The following KLHL32 variants were observed in gnomAD, a reference collection of about 807,000 sequenced individuals.
The protein encoded by KLHL32 is kelch-like protein 32.
In KLHL32, 35 loss-of-function variants were observed where a neutral mutation model predicts 64.8. That is an observed-to-expected ratio of 0.54 (90% confidence interval 0.41 to 0.72). The LOEUF (loss-of-function observed/expected upper bound fraction) is 0.72. KLHL32 is among the 30% of genes least tolerant of loss of function. The pLI, the probability that KLHL32 is intolerant of heterozygous loss-of-function variation, is 0.00. For missense variants in KLHL32, 589 were observed against 768.5 expected (o/e 0.77, Z 2.76); for synonymous variants, 259 against 281.0 (o/e 0.92, Z 0.78).
chr6:97,106,120 C>A (rs1342449808), intron 6 of KLHL32, among the ~76,000 whole-genome samples: 1 of 152,120 alleles, frequency 6.6e-6, no homozygotes, highest in African/African-American at 2.4e-5. Flanking sequence ...ATCAAAACAG[C>A]AGCTTCTGTC....
intron 1 of KLHL32, among the ~76,000 whole-genome samples, chr6:96,960,416 C>T (rs1773758795): frequency 2.0e-5 from 3 of 152,182 alleles, no homozygotes; most frequent in Admixed American, 2.0e-4. Flanking sequence ...AGGCCAAGTT[C>T]TAACCACTCC....
At chr6:97,044,216 G>T (rs1397542028) in intron 4 of KLHL32, among the ~76,000 whole-genome samples, 1 of 151,978 alleles carries the variant, frequency 6.6e-6, no homozygotes, top group African/African-American at 2.4e-5. Context: ...GCTGAATTTT[G>T]TCAAATGCTT....
chr6:97,083,902 C>T (rs1405565182), intron 5 of KLHL32, among the ~76,000 whole-genome samples: 1 of 152,170 alleles, frequency 6.6e-6, no homozygotes, highest in Non-Finnish European at 1.5e-5. Context: ...ATTTTGCTTA[C>T]ACATGGTTTA....
At chr6:97,035,788 A>G (rs1784207321) in intron 3 of KLHL32, among the ~76,000 whole-genome samples, 12 of 152,110 alleles carry the variant, frequency 7.9e-5, no homozygotes, top group Admixed American at 7.9e-4. Context: ...TTGAAATTTA[A>G]TTATAATGTA....
chr6:97,045,885 C>T (rs1785845609), intron 4 of KLHL32, among the ~76,000 whole-genome samples: 1 of 152,112 alleles, frequency 6.6e-6, no homozygotes, highest in Admixed American at 6.5e-5. Flanking sequence ...TATCCCATTG[C>T]CCAGGAGTCA....
chr6:97,077,948 A>G lies in KLHL32; in HGVS notation c.412-7178A>G, dbSNP rs564862810. Among the ~76,000 whole-genome samples, 6 of 152,322 alleles carry G rather than the reference A, an allele frequency of 3.9e-5. No homozygotes were observed. The East Asian group carries it at 1.2e-3, about 29-fold the overall frequency. On this transcript the variant is annotated intron_variant, in intron 5 of 10. Transcript: ENST00000369261. Reference sequence around the variant, plus strand: ...AATAGTTTGAAGATAAGCTACATGCATGAATAGCTTAGTGACAAGCTTATG... The same window carrying G: ...AATAGTTTGAAGATAAGCTACATGCGTGAATAGCTTAGTGACAAGCTTATG...
Position 96,967,089 on chromosome 6 carries a change from C to T in KLHL32, c.23+6C>T, listed in dbSNP as rs1774535186. On this transcript the variant is annotated splice_donor_region_variant and intron_variant, in intron 2 of 10. Transcript: ENST00000369261. ...CCGTCTGAACGCTGCCTCAGGTATGCCCTGTAGGATATGTCCTCACATGCC... is the reference window on the plus strand; with the variant it reads ...CCGTCTGAACGCTGCCTCAGGTATGTCCTGTAGGATATGTCCTCACATGCC... 3 of 1,613,108 alleles carry T rather than the reference C, an allele frequency of 1.9e-6. No individual in the cohort carries two copies. The East Asian group carries it at 6.7e-5, about 36-fold the overall frequency.
intron 4 of KLHL32, among the ~76,000 whole-genome samples, chr6:97,063,636 C>A (rs1390684606): frequency 6.6e-6 from 1 of 152,186 alleles, no homozygotes; most frequent in Non-Finnish European, 1.5e-5. Context: ...TAGTGCCTCC[C>A]TGTGCATCAG....
intron 6 of KLHL32, among the ~76,000 whole-genome samples, chr6:97,088,415 T>C (rs914483124): frequency 5.3e-5 from 8 of 152,248 alleles, no homozygotes; most frequent in African/African-American, 1.9e-4. Context: ...TTGATTTTGC[T>C]TTCAGATATT....
intron 1 of KLHL32, among the ~76,000 whole-genome samples, chr6:96,952,134 C>A (rs1181917058): frequency 6.6e-6 from 1 of 152,134 alleles, no homozygotes; most frequent in Non-Finnish European, 1.5e-5. Context: ...GGCATCCTGT[C>A]CAGGATGGGT....
chr6:97,104,702 A>T (rs1796167156), intron 6 of KLHL32, among the ~76,000 whole-genome samples: 1 of 152,330 alleles, frequency 6.6e-6, no homozygotes, highest in East Asian at 1.9e-4. Flanking sequence ...GATCTGTCTT[A>T]CAAGGAAAAT....
At chr6:97,102,777 G>C (rs913151450) in intron 6 of KLHL32, among the ~76,000 whole-genome samples, 5 of 151,866 alleles carry the variant, frequency 3.3e-5, no homozygotes, top group Admixed American at 3.3e-4. Flanking sequence ...TTGTCCTGTA[G>C]GACATTTTCG....
chr6:96,900,749 C>T, the KLHL32 span, among the ~76,000 whole-genome samples: 1 of 152,164 alleles, frequency 6.6e-6, no homozygotes, highest in Non-Finnish European at 1.5e-5. Flanking sequence ...CTCAAGGGGC[C>T]CAGGACAGCC....
intron 3 of KLHL32, among the ~76,000 whole-genome samples, chr6:97,009,795 G>A (rs1246106058): frequency 6.6e-6 from 1 of 152,202 alleles, no homozygotes; most frequent in African/African-American, 2.4e-5. Flanking sequence ...AAAAGCACGT[G>A]AGGGTCTTCT....
intron 6 of KLHL32, among the ~76,000 whole-genome samples, chr6:97,109,838 C>G (rs1796886020): frequency 6.6e-6 from 1 of 152,066 alleles, no homozygotes. Context: ...ATAAGAATGC[C>G]AAGAAATTGG....
intron 1 of KLHL32, among the ~76,000 whole-genome samples, chr6:96,947,563 T>C (rs1195295037): frequency 6.6e-6 from 1 of 152,190 alleles, no homozygotes; most frequent in African/African-American, 2.4e-5. Flanking sequence ...ATCACATCTC[T>C]TCTCTGATGC....
chr6:96,978,388 T>C (rs1582555398), intron 3 of KLHL32, among the ~76,000 whole-genome samples: 1 of 152,196 alleles, frequency 6.6e-6, no homozygotes, highest in Non-Finnish European at 1.5e-5. Context: ...AGTGAGAATA[T>C]GTGGTGTTTG....
At chr6:97,016,926 A>G (rs540805379) in intron 3 of KLHL32, among the ~76,000 whole-genome samples, 2 of 152,260 alleles carry the variant, frequency 1.3e-5, no homozygotes, top group Admixed American at 6.5e-5. Context: ...TCCTGCTGCC[A>G]TGTGAAGAAG....
intron 6 of KLHL32, among the ~76,000 whole-genome samples, chr6:97,101,714 G>A (rs549700381): frequency 6.6e-6 from 1 of 152,284 alleles, no homozygotes; most frequent in Admixed American, 6.5e-5. Flanking sequence ...GTTTATTTGT[G>A]TGAAATATGG....
Sources: gnomAD v4.1 joint callset for allele counts (sites outside exome capture counted in the v4.1 genomes callset) on GRCh38, gnomAD v4.1.1 for gene constraint, MANE v1.5 for transcripts, NCBI Gene and HGNC (gene_info 2026-07-23, HGNC 2026-07-21) for gene names.